Variants in LRP1B observed in about 807,000 individuals in gnomAD.
The protein encoded by LRP1B is low-density lipoprotein receptor-related protein 1B.
LRP1B carries 217 observed loss-of-function variants against 556.6 expected under a neutral mutation model. The observed-to-expected ratio is 0.39, with a 90% CI of 0.35 to 0.44. The LOEUF is 0.44. LRP1B is among the 20% of genes least tolerant of loss of function. The pLI, the probability that LRP1B is intolerant of heterozygous loss-of-function variation, is 1.00. For missense variants in LRP1B, 5,053 were observed against 5,620.8 expected (o/e 0.90, Z 3.23); for synonymous variants, 2,047 against 1,865.8 (o/e 1.10, Z -2.50).
At position 141,145,313 on chromosome 2, in the gene LRP1B, C is replaced by T. The variant is rs574975251; in HGVS notation, c.1013+43108G>A. 4.2e-4 allele frequency among the ~76,000 whole-genome samples: 64 copies of T among 152,066 alleles called. 2 individuals carry two copies. The South Asian group carries it at 0.013, about 30-fold the overall frequency. The stretch of plus-strand genomic sequence containing the variant: ...TACGTGTGCTAATTATATCACAGAA[C>T]TTGAGTTATACTGTATATAAGTGTA... On this transcript the variant is annotated intron_variant, in intron 7 of 90. Transcript: ENST00000389484.
chr2:140,419,773 C>G (rs1411492429), intron 66 of LRP1B, among the ~76,000 whole-genome samples: 1 of 151,994 alleles, frequency 6.6e-6, no homozygotes, highest in Non-Finnish European at 1.5e-5. Flanking sequence ...TTTGAGAGGC[C>G]AAAGCAAGTG....
At chr2:140,664,594 G>A (rs1685205013) in intron 41 of LRP1B, among the ~76,000 whole-genome samples, 1 of 151,938 alleles carries the variant, frequency 6.6e-6, no homozygotes, top group Admixed American at 6.6e-5. Context: ...ACTAAAACCA[G>A]TGCTCTAATT....
At chr2:140,516,755 G>T (rs1689920187) in intron 50 of LRP1B, 134 bp downstream of exon 50, 6 of 794,596 alleles carry the variant, frequency 7.6e-6, no homozygotes, top group Non-Finnish European at 3.9e-6. Context: ...TACCATTTTT[G>T]TATTATTTAA....
chr2:141,743,737 G>A (rs1045395561), intron 2 of LRP1B, among the ~76,000 whole-genome samples: 1 of 151,926 alleles, frequency 6.6e-6, no homozygotes, highest in Non-Finnish European at 1.5e-5. Context: ...TTGGTATGTT[G>A]CACGTGTCTA....
intron 1 of LRP1B, among the ~76,000 whole-genome samples, chr2:141,881,603 CCA>C (rs996267303): frequency 3.3e-5 from 5 of 151,598 alleles, no homozygotes; most frequent in Admixed American, 1.3e-4. Context: ...TGATTAAAAA[CCA>C]AGAGTGAGGT....
intron 1 of LRP1B, among the ~76,000 whole-genome samples, chr2:141,970,785 G>T (rs1257315175): frequency 6.6e-6 from 1 of 151,370 alleles, no homozygotes; most frequent in Non-Finnish European, 1.5e-5. Flanking sequence ...ATTTCCAAAG[G>T]ATAAAGAAAG....
chr2:140,537,202 T>C (rs555425201), intron 45 of LRP1B, among the ~76,000 whole-genome samples: 4 of 104,706 alleles, frequency 3.8e-5, no homozygotes, highest in Admixed American at 1.9e-4. Context: ...TATAAGAATA[T>C]ATAATATAAT....
chr2:141,517,026 A>AAAAC lies in LRP1B; in HGVS notation c.206-36494_206-36493insGTTT, dbSNP rs1559116518. ...TCTTAAAAAAAAAAAAAAAAAAAAAAAAAAAAGTAAATCAATGAAATAATT... is the reference window on the plus strand; with the variant it reads ...TCTTAAAAAAAAAAAAAAAAAAAAAAAAACAAAAAAGTAAATCAATGAAATAATT... On this transcript the variant is annotated intron_variant, in intron 2 of 90. Transcript: ENST00000389484. Among the ~76,000 whole-genome samples the AAAAC allele has an allele frequency of 4.6e-5, 6 of 131,114 alleles. 2 individuals carry two copies. Among genetic ancestry groups the AAAAC allele is most frequent in the Non-Finnish European group, 1.0e-4 (6 of 59,308 alleles). 86.0% of individuals were successfully genotyped at this position (131,114 alleles called of 152,430 possible).
chr2:141,964,501 TC>T (rs1701498538), intron 1 of LRP1B, among the ~76,000 whole-genome samples: 1 of 151,400 alleles, frequency 6.6e-6, no homozygotes, highest in Non-Finnish European at 1.5e-5. Context: ...GGGAAAGGAT[TC>T]CCTATTTAAT....
intron 3 of LRP1B, among the ~76,000 whole-genome samples, chr2:141,464,605 TA>T (rs1225032318): frequency 4.7e-5 from 5 of 105,708 alleles, no homozygotes; most frequent in African/African-American, 1.5e-4. Flanking sequence ...TATATATATA[TA>T]TTTTTTTAGT....
chr2:141,939,058 T>G (rs1337439284), intron 1 of LRP1B, among the ~76,000 whole-genome samples: 1 of 151,972 alleles, frequency 6.6e-6, no homozygotes, highest in Non-Finnish European at 1.5e-5. Context: ...AATGATTAAG[T>G]CTAGAGATCA....
chr2:141,753,081 T>G (rs752878733), intron 2 of LRP1B, among the ~76,000 whole-genome samples: 2 of 149,316 alleles, frequency 1.3e-5, no homozygotes, highest in Non-Finnish European at 3.0e-5. Context: ...AAATGCCTTC[T>G]GTATTAAAAA....
At chr2:141,848,710 G>A (rs1268305879) in intron 1 of LRP1B, among the ~76,000 whole-genome samples, 2 of 151,408 alleles carry the variant, frequency 1.3e-5, no homozygotes, top group Admixed American at 6.6e-5. Flanking sequence ...CAATTTATGA[G>A]AGATATATGA....
chr2:141,359,267 GA>G (rs60786833), intron 3 of LRP1B, among the ~76,000 whole-genome samples: 4,390 of 123,478 alleles, frequency 0.036, 114 homozygotes, highest in African/African-American at 0.073. Flanking sequence ...CAAAATAAAT[GA>G]AAAAAAAAAA....
At chr2:140,853,822 G>T (rs143785179) in intron 27 of LRP1B, among the ~76,000 whole-genome samples, 7 of 152,206 alleles carry the variant, frequency 4.6e-5, no homozygotes, top group African/African-American at 1.4e-4. Context: ...TTGTCACACA[G>T]AGTAAGTAGT....
intron 42 of LRP1B, 24 bp from the exon 43 acceptor site, chr2:140,598,859 T>C (rs964403984): frequency 6.8e-7 from 1 of 1,473,684 alleles, no homozygotes; most frequent in Non-Finnish European, 9.5e-7. Flanking sequence ...AAATTGTAAC[T>C]ATAAATTAAA....
chr2:140,945,219 C>T (rs1299189073), intron 20 of LRP1B, among the ~76,000 whole-genome samples: 1 of 151,952 alleles, frequency 6.6e-6, no homozygotes, highest in African/African-American at 2.4e-5. Flanking sequence ...TTAGAGATGA[C>T]ACAAACAAAT....
chr2:140,327,718 CAGTG>C lies in LRP1B; in HGVS notation c.12224-1844_12224-1841del, dbSNP rs542223872. Among the ~76,000 whole-genome samples the C allele has an allele frequency of 1.9e-3, 292 of 152,040 alleles. 1 individual carries two copies. Among genetic ancestry groups the C allele is most frequent in the African/African-American group, 6.5e-3 (268 of 41,526 alleles). ...TTGATAATCACAGAAAGGAAGAAAA[CAGTG>C]AGTATGTAATCCAATTTAATCAACA... On this transcript the variant is annotated intron_variant, in intron 79 of 90. Transcript: ENST00000389484.
intron 7 of LRP1B, among the ~76,000 whole-genome samples, chr2:141,159,461 G>A (rs566741861): frequency 2.6e-5 from 4 of 152,134 alleles, no homozygotes; most frequent in African/African-American, 9.6e-5. Flanking sequence ...TGAAGCCCTG[G>A]GCTCAAGCAA....
Sources: allele counts gnomAD v4.1 joint callset (sites outside exome capture counted in the v4.1 genomes callset), GRCh38; gene constraint gnomAD v4.1.1; transcripts MANE v1.5; gene names NCBI Gene and HGNC (gene_info 2026-07-23, HGNC 2026-07-21).